Variants in EPN2 observed in about 807,000 individuals in gnomAD.
EPN2 encodes the protein epsin 2.
EPN2 carries 34 observed loss-of-function variants against 61.7 expected under a neutral mutation model. That is an observed-to-expected ratio of 0.55 (90% confidence interval 0.42 to 0.73). The LOEUF (loss-of-function observed/expected upper bound fraction) is 0.73. EPN2 is among the 30% of genes least tolerant of loss of function. EPN2 has a pLI of 0.00. For synonymous variants in EPN2, 349 were observed against 353.6 expected (o/e 0.99, Z 0.15); for missense variants, 714 against 839.2 (o/e 0.85, Z 1.84).
Position 19,329,623 on chromosome 17 carries a change from A to G in EPN2, c.1387A>G (p.Asn463Asp). 1 of 1,612,496 alleles carries G rather than the reference A, an allele frequency of 6.2e-7. No individual in the cohort carries two copies. Among genetic ancestry groups the G allele is most frequent in the Non-Finnish European group, 8.5e-7 (1 of 1,178,532 alleles). The stretch of plus-strand genomic sequence containing the variant: ...TAAAGATGACTTTTCTGAATTTGAC[A>G]ACCTTCGGACTTCAAAAAAAACAGG... ...TIKDDFSEFD[N>D]LRTSKKTAES... Residue 463 changes from asparagine (N) to aspartate (D), a missense_variant, in exon 9 of 11, where the codon AAC becomes GAC. Asn to Asp is a conservative substitution (Grantham distance 23). Transcript: ENST00000314728.
intron 8 of EPN2, 51 bp downstream of exon 8, chr17:19,328,938 G>A (rs771163961): frequency 2.0e-6 from 3 of 1,520,704 alleles, no homozygotes; most frequent in Non-Finnish European, 2.7e-6. Context: ...GCGCCCACGG[G>A]CCCTGCAGCC....
Position 19,329,049 on chromosome 17 carries a change from T to C in EPN2, c.1324+162T>C, listed in dbSNP as rs960022630. 1.2e-4 allele frequency: 74 copies of C among 627,338 alleles called. No homozygotes were observed. In the Middle Eastern group the frequency reaches 2.6e-3, roughly 22 times the overall value. The allele number at this position is 627,338 out of a possible 1,614,324, so 38.9% of individuals were successfully genotyped here. A position where few individuals can be genotyped will look rare whatever the true frequency, so the allele number is the denominator to read the frequency against. On this transcript the variant is annotated intron_variant, in intron 8 of 10. Coordinates refer to ENST00000314728, the MANE Select transcript of EPN2 (RefSeq NM_014964.5). Reference sequence around the variant, plus strand: ...GATCCCCAGATCCCAGGTGCCCCAGTGTGAGAGTGAGTGAGTGCGAGTTCC... The same window carrying C: ...GATCCCCAGATCCCAGGTGCCCCAGCGTGAGAGTGAGTGAGTGCGAGTTCC...
chr17:19,272,914 C>T (rs1038458668), intron 1 of EPN2, among the ~76,000 whole-genome samples: 3 of 152,200 alleles, frequency 2.0e-5, no homozygotes, highest in Admixed American at 1.3e-4. Flanking sequence ...CTTTTCTTCA[C>T]ACAGTCTTTA....
At position 19,328,881 on chromosome 17, in the gene EPN2, G is replaced by C. The variant is rs1434061104; in HGVS notation, c.1318G>C (p.Val440Leu). 1 of 1,609,746 alleles carries C rather than the reference G, an allele frequency of 6.2e-7. No homozygotes were observed. Among genetic ancestry groups the C allele is most frequent in the Non-Finnish European group, 8.5e-7 (1 of 1,177,620 alleles). ...AGTCTCCACCACCAAGCCCGTGTCT[G>C]TCTCTGGTGAGCCCCTCACTCACCC... ...GAVSTTKPVS[V>L]SGSFELFSNL... The change falls in exon 8 of 11, where the codon GTC (valine) becomes CTC (leucine). Residue 440 changes from valine to leucine, a missense_variant. Physicochemically the swap from Val to Leu is conservative, Grantham distance 32 (BLOSUM62 1). This residue lies in a region of EPN2 where 410 missense variants were observed against 421.8 expected (regional missense o/e 0.97). Transcript: ENST00000314728.
chr17:19,266,120 C>G (rs2045194809), intron 1 of EPN2, among the ~76,000 whole-genome samples: 1 of 152,134 alleles, frequency 6.6e-6, no homozygotes, highest in Non-Finnish European at 1.5e-5. Context: ...AAATACCATC[C>G]TGAAGACGTG....
chr17:19,316,619 G>A (rs528554006), intron 7 of EPN2, among the ~76,000 whole-genome samples: 2 of 152,228 alleles, frequency 1.3e-5, no homozygotes, highest in East Asian at 1.9e-4. Flanking sequence ...TTTTTTCTGG[G>A]CATTATGTTT....
chr17:19,300,990 G>A (rs960911267), intron 4 of EPN2, among the ~76,000 whole-genome samples: 1 of 152,186 alleles, frequency 6.6e-6, no homozygotes, highest in East Asian at 1.9e-4. Context: ...CTGATACTTA[G>A]GGATGAGGAT....
intron 1 of EPN2, among the ~76,000 whole-genome samples, chr17:19,280,617 A>T (rs188555631): frequency 6.6e-6 from 1 of 152,156 alleles, no homozygotes; most frequent in East Asian, 1.9e-4. Context: ...CCAGGGTGAA[A>T]TTTTATGAGC....
At chr17:19,307,756 C>T (rs748328031) in intron 4 of EPN2, among the ~76,000 whole-genome samples, 3 of 152,212 alleles carry the variant, frequency 2.0e-5, no homozygotes, top group African/African-American at 4.8e-5. Context: ...GTCTCCTGCC[C>T]GGCCCCACCT....
intron 1 of EPN2, chr17:19,249,423 T>G (rs1404440391): frequency 1.3e-5 from 2 of 152,206 alleles, no homozygotes; most frequent in African/African-American, 4.8e-5. Context: ...GGCCTCTGGG[T>G]AATGTCTATG....
At chr17:19,314,831 G>C (rs138392317) in intron 7 of EPN2, among the ~76,000 whole-genome samples, 1 of 152,240 alleles carries the variant, frequency 6.6e-6, no homozygotes, top group Non-Finnish European at 1.5e-5. Context: ...CATGGGGACT[G>C]TGGTGCCCCA....
At chr17:19,281,035 C>T (rs548999359) in intron 1 of EPN2, among the ~76,000 whole-genome samples, 13 of 152,148 alleles carry the variant, frequency 8.5e-5, no homozygotes, top group Non-Finnish European at 1.2e-4. Flanking sequence ...ATGCATAGGC[C>T]AGGTGTGGGA....
intron 1 of EPN2, among the ~76,000 whole-genome samples, chr17:19,269,652 T>C (rs1310079886): frequency 2.6e-5 from 4 of 152,238 alleles, no homozygotes; most frequent in Non-Finnish European, 5.9e-5. Context: ...TTGAATAGCG[T>C]TAAAGCCTCT....
At chr17:19,329,326 G>T in intron 8 of EPN2, 1 of 487,494 alleles carries the variant, frequency 2.1e-6, no homozygotes, top group Non-Finnish European at 3.6e-6. Context: ...AGAAGCAGTA[G>T]CAGGTGGGCA....
At chr17:19,331,780 G>GT in intron 9 of EPN2, 73 bp from the exon 10 acceptor site, 1 of 1,343,638 alleles carries the variant, frequency 7.4e-7, no homozygotes, top group Admixed American at 1.7e-5. Flanking sequence ...AGGAGGCCAT[G>GT]TTTTGTGTTA....
chr17:19,247,607 G>A (rs1470129941), intron 1 of EPN2, among the ~76,000 whole-genome samples: 1 of 152,204 alleles, frequency 6.6e-6, no homozygotes, highest in Non-Finnish European at 1.5e-5. Context: ...GCTGGTGACG[G>A]GTGGATGCCT....
intron 9 of EPN2, among the ~76,000 whole-genome samples, 189 bp from the exon 10 acceptor site, chr17:19,331,664 C>T (rs1907158193): frequency 1.3e-5 from 2 of 152,184 alleles, no homozygotes; most frequent in African/African-American, 4.8e-5. Flanking sequence ...AGGTATTCTT[C>T]TGTTCCTGCA....
chr17:19,325,959 A>G (rs571164003), intron 7 of EPN2, among the ~76,000 whole-genome samples: 1 of 152,372 alleles, frequency 6.6e-6, no homozygotes, highest in South Asian at 2.1e-4. Context: ...GTTTTTCTGC[A>G]TAACAATAAA....
At chr17:19,296,896 A>G (rs2152224251) in intron 4 of EPN2, 1 of 152,446 alleles carries the variant, frequency 6.6e-6, no homozygotes, top group Non-Finnish European at 1.5e-5. Context: ...GGACTGAGCC[A>G]TCATGCCTGG....
Sources: allele counts gnomAD v4.1 joint callset (sites outside exome capture counted in the v4.1 genomes callset), GRCh38; gene constraint gnomAD v4.1.1; regional missense constraint gnomAD v4.1.1; transcripts MANE v1.5; gene names NCBI Gene and HGNC (gene_info 2026-07-23, HGNC 2026-07-21).